The following GPHN variants were observed in gnomAD, a reference collection of about 807,000 sequenced individuals.
The protein encoded by GPHN is gephyrin.
Under a neutral mutation model 95.5 loss-of-function variants are expected in GPHN, and 17 were observed. The ratio of observed to expected loss-of-function variants is 0.18; its 90% CI spans 0.12 to 0.27. The LOEUF (loss-of-function observed/expected upper bound fraction) is 0.27. Ranked by LOEUF, GPHN falls within the 10% of genes least tolerant of loss-of-function variation. The pLI, the probability that GPHN is intolerant of heterozygous loss-of-function variation, is 1.00. For synonymous variants in GPHN, 320 were observed against 322.5 expected (o/e 0.99, Z 0.08); for missense variants, 660 against 978.1 (o/e 0.67, Z 4.34).
the GPHN span, among the ~76,000 whole-genome samples, chr14:67,673,818 A>G: frequency 1.3e-5 from 2 of 152,190 alleles, no homozygotes; most frequent in African/African-American, 4.8e-5. Context: ...CTGAATCATG[A>G]AATTAAGGGG....
chr14:67,355,147 C>G, the GPHN span, among the ~76,000 whole-genome samples: 1 of 152,054 alleles, frequency 6.6e-6, no homozygotes, highest in Non-Finnish European at 1.5e-5. Flanking sequence ...ACCACATTTT[C>G]TATTAAAAGT....
the GPHN span, among the ~76,000 whole-genome samples, chr14:67,240,764 C>CT: frequency 1.3e-5 from 2 of 152,166 alleles, no homozygotes; most frequent in Admixed American, 1.3e-4. Flanking sequence ...CTGCGTAACT[C>CT]TGTCCCTTCG....
At chr14:66,760,975 T>C in intron 2 of GPHN, 1 of 625,236 alleles carries the variant, frequency 1.6e-6, no homozygotes, top group South Asian at 1.4e-5. Flanking sequence ...GAGAAAATGG[T>C]ATAGCAGTTA....
chr14:66,981,496 T>C (rs1043386617), intron 9 of GPHN, among the ~76,000 whole-genome samples: 2 of 152,148 alleles, frequency 1.3e-5, no homozygotes, highest in African/African-American at 4.8e-5. Flanking sequence ...CTCCAAATCA[T>C]AGCTACCAGA....
intron 16 of GPHN, among the ~76,000 whole-genome samples, chr14:67,114,572 C>G (rs2078563975): frequency 6.6e-6 from 1 of 152,116 alleles, no homozygotes; most frequent in African/African-American, 2.4e-5. Context: ...TGCCTATAGT[C>G]CTAGCTACTG....
chr14:67,362,621 G>A, the GPHN span, among the ~76,000 whole-genome samples: 1 of 152,048 alleles, frequency 6.6e-6, no homozygotes, highest in Non-Finnish European at 1.5e-5. Flanking sequence ...GTTGTTCCCC[G>A]AGTTTACTAT....
At chr14:67,571,662 TG>T in the GPHN span, 2 of 1,382,832 alleles carry the variant, frequency 1.4e-6, no homozygotes, top group Non-Finnish European at 2.0e-6. Context: ...GGCCACACCA[TG>T]GGCACTTGGA....
At chr14:66,937,474 G>A (rs549762482) in intron 8 of GPHN, among the ~76,000 whole-genome samples, 11 of 151,710 alleles carry the variant, frequency 7.3e-5, no homozygotes, top group Admixed American at 3.9e-4. Flanking sequence ...TCCACTTCCC[G>A]GGTTCAAGTG....
chr14:67,372,265 A>C, the GPHN span, among the ~76,000 whole-genome samples: 2 of 152,218 alleles, frequency 1.3e-5, no homozygotes, highest in East Asian at 3.8e-4. Context: ...GCAAAAAAGA[A>C]CCTCAATTCA....
chr14:66,838,823 C>G lies in GPHN; in HGVS notation c.294+14257C>G, dbSNP rs1449139030. On this transcript the variant is annotated intron_variant, in intron 4 of 22. Coordinates refer to ENST00000478722, the MANE Select transcript of GPHN (RefSeq NM_020806.5). ...CACATAAAATGTAATAAGATGACAACAAATGAGTACTTTATATCTGTCAAG... is the reference window on the plus strand; with the variant it reads ...CACATAAAATGTAATAAGATGACAAGAAATGAGTACTTTATATCTGTCAAG... Among the ~76,000 whole-genome samples the G allele has an allele frequency of 3.9e-5, 6 of 151,902 alleles. No individual in the cohort carries two copies. In the East Asian group the frequency reaches 1.2e-3, roughly 29 times the overall value.
At chr14:66,958,152 A>G (rs549775188) in intron 8 of GPHN, among the ~76,000 whole-genome samples, 1 of 152,094 alleles carries the variant, frequency 6.6e-6, no homozygotes, top group South Asian at 2.1e-4. Context: ...TCTCTTCATT[A>G]TTATCAGTTT....
chr14:67,325,241 CCCTT>C, the GPHN span, among the ~76,000 whole-genome samples: 2 of 152,116 alleles, frequency 1.3e-5, no homozygotes, highest in Non-Finnish European at 2.9e-5. Context: ...AACACATTAA[CCCTT>C]CCTCTTCCTC....
chr14:67,507,876 C>T, the GPHN span, among the ~76,000 whole-genome samples: 3 of 152,246 alleles, frequency 2.0e-5, no homozygotes, highest in African/African-American at 4.8e-5. Flanking sequence ...TGTTGGCTCA[C>T]GCCTGTAGTC....
chr14:66,935,944 G>A (rs533115156), intron 8 of GPHN, among the ~76,000 whole-genome samples: 12 of 152,106 alleles, frequency 7.9e-5, no homozygotes, highest in Non-Finnish European at 1.5e-4. Context: ...ACTACTTAGT[G>A]GCTGAACTGG....
At chr14:67,308,000 T>C in the GPHN span, among the ~76,000 whole-genome samples, 2 of 152,118 alleles carry the variant, frequency 1.3e-5, no homozygotes, top group Admixed American at 6.6e-5. Flanking sequence ...AAAAACCACA[T>C]GTTCTCTTAC....
chr14:67,316,938 T>A, the GPHN span: 1 of 1,531,290 alleles, frequency 6.5e-7, no homozygotes, highest in Non-Finnish European at 9.0e-7. Flanking sequence ...GTAAATGGTT[T>A]CTTGGGTCTT....
chr14:67,195,729 G>A, the GPHN span, among the ~76,000 whole-genome samples: 1,766 of 151,162 alleles, frequency 0.012, 27 homozygotes, highest in East Asian at 0.034. Context: ...GTGTGTGTGT[G>A]TGTGTGTGTG....
chr14:67,163,111 G>T lies in GPHN; in HGVS notation c.1911-2051G>T, dbSNP rs144817296. ...GCTTGAGCTCAGGAGTTCAAGACCA[G>T]CCTGGGCACATAGCGAGACCTCATC... is the stretch of plus-strand genomic sequence containing the variant. On this transcript the variant is annotated intron_variant, in intron 19 of 22. Coordinates refer to ENST00000478722, the MANE Select transcript of GPHN (RefSeq NM_020806.5). 2.0e-5 allele frequency among the ~76,000 whole-genome samples: 3 copies of T among 152,166 alleles called. No individual in the cohort carries two copies. The East Asian group carries it at 5.8e-4, about 29-fold the overall frequency.
At chr14:67,297,135 A>G in the GPHN span, among the ~76,000 whole-genome samples, 1 of 152,228 alleles carries the variant, frequency 6.6e-6, no homozygotes, top group South Asian at 2.1e-4. Flanking sequence ...CCAGAAACCA[A>G]TAGCATCTTC....
Sources: gnomAD v4.1 joint callset for allele counts (sites outside exome capture counted in the v4.1 genomes callset) on GRCh38, gnomAD v4.1.1 for gene constraint, MANE v1.5 for transcripts, NCBI Gene and HGNC (gene_info 2026-07-23, HGNC 2026-07-21) for gene names.